Variants in MARCHF3 observed in about 807,000 individuals in gnomAD.
MARCHF3 encodes the protein E3 ubiquitin-protein ligase MARCHF3.
In MARCHF3, 13 loss-of-function variants were observed where a neutral mutation model predicts 24.2. The observed-to-expected ratio is 0.54, with a 90% CI of 0.35 to 0.85. The LOEUF (loss-of-function observed/expected upper bound fraction) is 0.85. MARCHF3 is among the 40% of genes least tolerant of loss of function. The probability of loss-of-function intolerance (pLI) is 0.01; values close to 1 mark genes in which losing one functional copy is unlikely to be tolerated. For synonymous variants in MARCHF3, 144 were observed against 137.3 expected (o/e 1.05, Z -0.34); for missense variants, 276 against 325.0 (o/e 0.85, Z 1.16).
chr5:126,974,193 G>A (rs1405106759), intron 1 of MARCHF3, among the ~76,000 whole-genome samples: 5 of 152,204 alleles, frequency 3.3e-5, no homozygotes, highest in East Asian at 3.9e-4. Flanking sequence ...CACCGCGCCC[G>A]GCCGCAAAAT....
intron 1 of MARCHF3, among the ~76,000 whole-genome samples, chr5:126,962,717 T>G (rs1369540862): frequency 6.6e-6 from 1 of 152,008 alleles, no homozygotes; most frequent in Non-Finnish European, 1.5e-5. Flanking sequence ...ATCCCCAAGA[T>G]ATCTCATTAT....
At chr5:126,881,562 A>G (rs1353558999) in intron 3 of MARCHF3, among the ~76,000 whole-genome samples, 1 of 152,218 alleles carries the variant, frequency 6.6e-6, no homozygotes, top group Non-Finnish European at 1.5e-5. Context: ...AACATAGAAT[A>G]CCATACATTA....
At chr5:126,968,068 T>C (rs1750876159) in intron 1 of MARCHF3, among the ~76,000 whole-genome samples, 1 of 152,242 alleles carries the variant, frequency 6.6e-6, no homozygotes, top group African/African-American at 2.4e-5. Flanking sequence ...AATTATACAA[T>C]ATGTGGCTTT....
At chr5:126,982,196 C>T (rs1751417838) in intron 1 of MARCHF3, among the ~76,000 whole-genome samples, 1 of 152,206 alleles carries the variant, frequency 6.6e-6, no homozygotes, top group Admixed American at 6.5e-5. Flanking sequence ...CTCCCGCCTC[C>T]CCAGCTTCTC....
intron 1 of MARCHF3, among the ~76,000 whole-genome samples, chr5:127,026,152 T>C (rs1385277721): frequency 6.6e-6 from 1 of 152,124 alleles, no homozygotes; most frequent in Non-Finnish European, 1.5e-5. Flanking sequence ...CAATGACCTA[T>C]GGCCCAGTTT....
At chr5:126,917,363 C>CT (rs1460228451) in intron 2 of MARCHF3, among the ~76,000 whole-genome samples, 1 of 152,134 alleles carries the variant, frequency 6.6e-6, no homozygotes, top group Non-Finnish European at 1.5e-5. Flanking sequence ...TGCACTCGGG[C>CT]TTTAGTTCAC....
At chr5:127,005,229 C>T (rs190946281) in intron 1 of MARCHF3, among the ~76,000 whole-genome samples, 54 of 151,556 alleles carry the variant, frequency 3.6e-4, no homozygotes, top group East Asian at 3.3e-3. Flanking sequence ...CTCCATCACC[C>T]GGGTTCAAGC....
intron 3 of MARCHF3, among the ~76,000 whole-genome samples, chr5:126,894,358 G>A (rs1198908527): frequency 6.6e-6 from 1 of 151,096 alleles, no homozygotes; most frequent in Non-Finnish European, 1.5e-5. Context: ...TATTTTGCTC[G>A]TTAGTTGCAG....
At chr5:126,916,686 CAG>C (rs1275464701) in intron 2 of MARCHF3, among the ~76,000 whole-genome samples, 38 of 129,426 alleles carry the variant, frequency 2.9e-4, no homozygotes, top group African/African-American at 1.1e-3. Flanking sequence ...GACAGACAGA[CAG>C]ACAGACACAC....
rs1170572510 is a variant in MARCHF3 at position 126,951,343 on chromosome 5, A to C, written c.-56-33116T>G. Among the ~76,000 whole-genome samples the C allele has an allele frequency of 5.9e-5, 9 of 152,276 alleles. No individual in the cohort carries two copies. In the East Asian group the frequency reaches 1.7e-3, roughly 29 times the overall value. On this transcript the variant is annotated intron_variant, in intron 1 of 4. Transcript: ENST00000308660. ...CTCTCAATCTAGACTCACTCCCTTC[A>C]TGATCCATAATTAGTGACATGGCTA...
intron 1 of MARCHF3, among the ~76,000 whole-genome samples, chr5:126,962,664 G>C (rs1252278736): frequency 6.6e-6 from 1 of 151,962 alleles, no homozygotes; most frequent in Non-Finnish European, 1.5e-5. Flanking sequence ...TGTATAAAGT[G>C]TATATGAAAC....
At chr5:126,966,925 T>TA in intron 1 of MARCHF3, among the ~76,000 whole-genome samples, 1 of 127,052 alleles carries the variant, frequency 7.9e-6, no homozygotes, top group Non-Finnish European at 1.7e-5. Context: ...TTTTTTTTTT[T>TA]TTTTTTTTTT....
chr5:126,922,343 A>G (rs1448531624), intron 1 of MARCHF3, among the ~76,000 whole-genome samples: 1 of 152,176 alleles, frequency 6.6e-6, no homozygotes, highest in Non-Finnish European at 1.5e-5. Context: ...GGATACTAAC[A>G]CATCCTGAGC....
At chr5:126,886,483 T>G (rs1753513724) in intron 3 of MARCHF3, among the ~76,000 whole-genome samples, 5 of 152,180 alleles carry the variant, frequency 3.3e-5, no homozygotes, top group Admixed American at 3.3e-4. Flanking sequence ...TTTAACTCTG[T>G]TGTGGAGTCA....
chr5:126,895,139 G>C (rs1336631362), intron 3 of MARCHF3, among the ~76,000 whole-genome samples: 19 of 151,874 alleles, frequency 1.3e-4, no homozygotes, highest in Admixed American at 5.9e-4. Context: ...CGTAGTTCTC[G>C]AGCCTTGGTT....
chr5:126,894,355 C>T (rs967165343), intron 3 of MARCHF3, among the ~76,000 whole-genome samples: 56 of 151,182 alleles, frequency 3.7e-4, no homozygotes, highest in Admixed American at 1.3e-3. Context: ...GGTTATTTTG[C>T]TCGTTAGTTG....
chr5:126,968,886 C>T (rs1750904818), intron 1 of MARCHF3, among the ~76,000 whole-genome samples: 3 of 152,184 alleles, frequency 2.0e-5, no homozygotes, highest in Middle Eastern at 6.8e-3. Flanking sequence ...TGTAAGAATT[C>T]TTTATATGTT....
chr5:126,913,608 G>C (rs1754613303), intron 3 of MARCHF3, among the ~76,000 whole-genome samples: 1 of 152,226 alleles, frequency 6.6e-6, no homozygotes, highest in Non-Finnish European at 1.5e-5. Flanking sequence ...CGACTCTTAA[G>C]CAAAGCATGG....
chr5:126,899,636 T>C lies in MARCHF3; in HGVS notation c.393+15294A>G, dbSNP rs554829996. Among the ~76,000 whole-genome samples, 4 of 152,236 alleles carry C rather than the reference T, an allele frequency of 2.6e-5. No homozygotes were observed. The South Asian group carries it at 8.3e-4, about 32-fold the overall frequency. The stretch of plus-strand genomic sequence containing the variant: ...GAAGAATGATTTTTCTGGCTTCTGA[T>C]AGGGTGCTGTAGCCAAAAGCTTTGC... On this transcript the variant is annotated intron_variant, in intron 3 of 4. Transcript: ENST00000308660.
Sources: gnomAD v4.1 joint callset for allele counts (sites outside exome capture counted in the v4.1 genomes callset) on GRCh38, gnomAD v4.1.1 for gene constraint, MANE v1.5 for transcripts, NCBI Gene and HGNC (gene_info 2026-07-23, HGNC 2026-07-21) for gene names.